Variants in TGFA observed in about 807,000 individuals in gnomAD.
The protein encoded by TGFA is transforming growth factor alpha.
A neutral mutation model predicts 21.7 loss-of-function variants in TGFA; 12 were observed. The ratio of observed to expected loss-of-function variants is 0.55; its 90% CI spans 0.35 to 0.90. The LOEUF is 0.90. Ranked by LOEUF, TGFA falls within the 40% of genes least tolerant of loss-of-function variation. The pLI is 0.01. For missense variants in TGFA, 178 were observed against 210.8 expected, an observed-to-expected ratio of 0.84 and a Z score of 0.96; for synonymous variants, 79 against 88.1, an observed-to-expected ratio of 0.90 and a Z score of 0.58.
At chr2:70,465,819 G>A in intron 2 of TGFA, 83 bp from the exon 3 acceptor site, 1 of 1,572,592 alleles carries the variant, frequency 6.4e-7, no homozygotes, top group Non-Finnish European at 8.6e-7. Context: ...CAGTCAAGAA[G>A]GTGGAGCCCC....
chr2:70,481,277 C>G (rs889508085), intron 2 of TGFA, among the ~76,000 whole-genome samples: 1 of 152,188 alleles, frequency 6.6e-6, no homozygotes, highest in East Asian at 1.9e-4. Flanking sequence ...TTCCAGTACT[C>G]AGGGGCTCAG....
chr2:70,492,242 A>C (rs1671458066), intron 2 of TGFA, among the ~76,000 whole-genome samples: 1 of 152,182 alleles, frequency 6.6e-6, no homozygotes, highest in Admixed American at 6.5e-5. Context: ...CTACCCCATA[A>C]CCTATAATTG....
chr2:70,506,738 G>A (rs1671938916), intron 2 of TGFA, among the ~76,000 whole-genome samples: 2 of 152,152 alleles, frequency 1.3e-5, no homozygotes, highest in African/African-American at 4.8e-5. Flanking sequence ...CCATTCTACA[G>A]GCAAGGAAGC....
chr2:70,533,653 A>ATGTTAAC (rs759919024), intron 1 of TGFA, among the ~76,000 whole-genome samples: 181 of 152,334 alleles, frequency 1.2e-3, no homozygotes, highest in Non-Finnish European at 2.2e-3. Flanking sequence ...TGTGTTAACT[A>ATGTTAAC]TGTTAACTGT....
At chr2:70,550,899 A>G (rs1250699267) in intron 1 of TGFA, among the ~76,000 whole-genome samples, 1 of 152,226 alleles carries the variant, frequency 6.6e-6, no homozygotes, top group Non-Finnish European at 1.5e-5. Flanking sequence ...TCATTGGCCA[A>G]ATCATATTCA....
In TGFA at chr2:70,514,881, C is replaced by T; in HGVS notation, c.72G>A (p.Glu24=). Residue 24 remains glutamate, a synonymous_variant, in exon 2 of 6, where the codon GAG becomes GAA. Coordinates refer to ENST00000295400, the MANE Select transcript of TGFA (RefSeq NM_003236.4). The stretch of plus-strand genomic sequence containing the variant: ...CACCACTCAGCGGGGACGTGCTGTT[C>T]TCCAAGGCCTGGCACGCAGCCAACA... ...GIVLAACQAL[E]NSTSPLSADP... is the part of the protein sequence containing the mutation. The T allele has an allele frequency of 6.2e-7, 1 of 1,614,084 alleles. No individual in the cohort carries two copies. Among genetic ancestry groups the T allele is most frequent in the Non-Finnish European group, 8.5e-7 (1 of 1,180,014 alleles).
At chr2:70,511,108 C>T (rs1406645296) in intron 2 of TGFA, among the ~76,000 whole-genome samples, 9 of 152,184 alleles carry the variant, frequency 5.9e-5, no homozygotes, top group African/African-American at 1.2e-4. Context: ...TAAAGTGTGT[C>T]GGCTTCACCC....
At chr2:70,465,530 G>A in intron 3 of TGFA, 86 bp downstream of exon 3, 3 of 1,546,998 alleles carry the variant, frequency 1.9e-6, no homozygotes, top group South Asian at 1.2e-5. Flanking sequence ...GGAGCCTCTG[G>A]CAAGTCTTAT....
chr2:70,478,255 A>G (rs1553494827), intron 2 of TGFA, among the ~76,000 whole-genome samples: 1 of 152,200 alleles, frequency 6.6e-6, no homozygotes, highest in African/African-American at 2.4e-5. Flanking sequence ...TATAAAACAA[A>G]ATATAAAATG....
chr2:70,463,531 G>A (rs995513724), intron 3 of TGFA, among the ~76,000 whole-genome samples: 1 of 152,168 alleles, frequency 6.6e-6, no homozygotes, highest in African/African-American at 2.4e-5. Flanking sequence ...CTGGCTGCCA[G>A]CTCTTGGAAA....
chr2:70,486,089 G>A (rs1274465758), intron 2 of TGFA, among the ~76,000 whole-genome samples: 3 of 152,330 alleles, frequency 2.0e-5, no homozygotes, highest in Middle Eastern at 3.4e-3. Flanking sequence ...ACATCAGGAA[G>A]TCATTGCTTT....
At chr2:70,553,405 G>T in intron 1 of TGFA, 2 of 1,442,586 alleles carry the variant, frequency 1.4e-6, no homozygotes, top group Non-Finnish European at 1.8e-6. Context: ...AAGCAGGTAG[G>T]TGTAGGCATG....
chr2:70,527,293 C>T (rs959982881), intron 1 of TGFA, among the ~76,000 whole-genome samples: 1 of 152,162 alleles, frequency 6.6e-6, no homozygotes, highest in Admixed American at 6.6e-5. Context: ...CATCAAGTCA[C>T]ATAGAGAAAG....
chr2:70,459,876 G>A (rs981464583), intron 3 of TGFA, among the ~76,000 whole-genome samples: 1 of 152,152 alleles, frequency 6.6e-6, no homozygotes. Flanking sequence ...GCTTCTGAGC[G>A]AACACTTCCC....
chr2:70,519,585 G>A (rs2103869024), intron 1 of TGFA, among the ~76,000 whole-genome samples: 1 of 152,300 alleles, frequency 6.6e-6, no homozygotes, highest in Admixed American at 6.5e-5. Context: ...GCGTACCATG[G>A]ACTATCCATA....
At chr2:70,548,755 T>C (rs1324038922) in intron 1 of TGFA, among the ~76,000 whole-genome samples, 2 of 152,238 alleles carry the variant, frequency 1.3e-5, no homozygotes, top group Non-Finnish European at 2.9e-5. Context: ...TCTTAAGTCA[T>C]ACTCAGTACA....
chr2:70,533,871 T>C (rs547237137), intron 1 of TGFA, among the ~76,000 whole-genome samples: 1 of 121,646 alleles, frequency 8.2e-6, no homozygotes, highest in East Asian at 2.3e-4. Context: ...AAAATCCACA[T>C]TTTTTTTTTC....
At chr2:70,531,387 G>A (rs1434680124) in intron 1 of TGFA, among the ~76,000 whole-genome samples, 3 of 152,104 alleles carry the variant, frequency 2.0e-5, no homozygotes, top group African/African-American at 7.2e-5. Context: ...CCATGGCTAT[G>A]GTACTAGATT....
intron 1 of TGFA, among the ~76,000 whole-genome samples, chr2:70,528,198 A>T (rs1672697233): frequency 6.6e-6 from 1 of 152,252 alleles, no homozygotes. Context: ...ACTAGTCTTA[A>T]CTTTAGTTAA....
Sources: allele counts gnomAD v4.1 joint callset (sites outside exome capture counted in the v4.1 genomes callset), GRCh38; gene constraint gnomAD v4.1.1; transcripts MANE v1.5; gene names NCBI Gene and HGNC (gene_info 2026-07-23, HGNC 2026-07-21).